Variants in GREB1L observed in about 807,000 individuals in gnomAD.
GREB1L encodes GREB1-like protein.
In GREB1L, 17 loss-of-function variants were observed where a neutral mutation model predicts 200.8. The ratio of observed to expected loss-of-function variants is 0.08; its 90% CI spans 0.06 to 0.13. GREB1L has a LOEUF of 0.13. Among genes scored for constraint, GREB1L ranks in the 10% least tolerant of loss-of-function variants. The pLI, the probability that GREB1L is intolerant of heterozygous loss-of-function variation, is 1.00. For synonymous variants in GREB1L, 789 were observed against 893.0 expected (o/e 0.88, Z 2.08); for missense variants, 1,657 against 2,367.7 (o/e 0.70, Z 6.23).
Position 21,499,910 on chromosome 18 carries a change from C to A in GREB1L, c.3573C>A (p.Pro1191=). ...TLKQECDSLG[P]QMASSTTSKP... ...AGCAGGAATGTGACTCCCTGGGCCC[C>A]CAGATGGCGAGCAGCACCACCTCCA... is the stretch of plus-strand genomic sequence containing the variant. Residue 1191 remains proline (P), a synonymous_variant, in exon 22 of 33, where the codon CCC becomes CCA. Transcript: ENST00000424526. The A allele has an allele frequency of 6.5e-7, 1 of 1,549,866 alleles. No homozygotes were observed. Among genetic ancestry groups the A allele is most frequent in the Non-Finnish European group, 8.7e-7 (1 of 1,146,208 alleles).
intron 1 of GREB1L, among the ~76,000 whole-genome samples, chr18:21,352,162 A>G (rs1217513393): frequency 1.3e-5 from 2 of 152,126 alleles, no homozygotes; most frequent in Non-Finnish European, 2.9e-5. Flanking sequence ...GCTATTTTAA[A>G]TAAATTTATC....
At position 21,403,860 on chromosome 18, in the gene GREB1L, A is replaced by G; in HGVS notation, c.710-12A>G. 1 of 1,549,452 alleles carries G rather than the reference A, an allele frequency of 6.5e-7. No homozygotes were observed. Among genetic ancestry groups the G allele is most frequent in the East Asian group, 2.4e-5 (1 of 40,874 alleles). On this transcript the variant is annotated splice_polypyrimidine_tract_variant and intron_variant, in intron 6 of 32. Coordinates refer to ENST00000424526, the MANE Select transcript of GREB1L (RefSeq NM_001142966.3). ...GGTCACTTCATACAATGTGATTTTT[A>G]CTCTTTTCCAGAATGTAGAAGCCGA...
chr18:21,442,705 A>G (rs1346103947), intron 10 of GREB1L, among the ~76,000 whole-genome samples: 1 of 152,144 alleles, frequency 6.6e-6, no homozygotes, highest in African/African-American at 2.4e-5. Context: ...AATAGCTAAG[A>G]TAACAAAGGA....
intron 1 of GREB1L, among the ~76,000 whole-genome samples, chr18:21,272,459 C>G (rs997754209): frequency 2.0e-5 from 3 of 152,112 alleles, no homozygotes; most frequent in Non-Finnish European, 2.9e-5. Context: ...AGACAGCTGA[C>G]AAAATGGATA....
At chr18:21,287,957 A>G (rs898060859) in intron 1 of GREB1L, among the ~76,000 whole-genome samples, 2 of 151,782 alleles carry the variant, frequency 1.3e-5, no homozygotes, top group African/African-American at 4.8e-5. Flanking sequence ...GTAATCTACC[A>G]CCATGCCCAG....
intron 1 of GREB1L, among the ~76,000 whole-genome samples, chr18:21,261,331 A>G (rs540807304): frequency 7.9e-5 from 12 of 152,030 alleles, no homozygotes; most frequent in Admixed American, 1.3e-4. Flanking sequence ...GCTTACCGCT[A>G]TTCTCTTTAA....
In GREB1L at chr18:21,401,194, T is replaced by C; in HGVS notation, c.577T>C (p.Tyr193His). The change falls in exon 6 of 33, where the codon TAT becomes CAT. Residue 193 changes from tyrosine (Y) to histidine (H), a missense_variant. Tyr to His is a moderately conservative substitution (Grantham distance 83). Around this residue, in one of 9 missense-constraint regions of GREB1L, gnomAD observed 70 missense variants for 151.3 expected, o/e 0.46. Coordinates refer to ENST00000424526, the MANE Select transcript of GREB1L (RefSeq NM_001142966.3). ...CIGCGERGFR[Y>H]FTEFSNHINL... Reference sequence around the variant, plus strand: ...CGGCTGTGGAGAAAGAGGATTTCGATATTTCACGGAATTTTCCAACCACAT... The same window carrying C: ...CGGCTGTGGAGAAAGAGGATTTCGACATTTCACGGAATTTTCCAACCACAT... 6.4e-7 allele frequency: 1 copy of C among 1,551,658 alleles called. No individual in the cohort carries two copies. The highest frequency in any genetic ancestry group is 8.7e-7 in the Non-Finnish European group (1 of 1,146,988).
intron 7 of GREB1L, among the ~76,000 whole-genome samples, chr18:21,416,109 G>A (rs568449891): frequency 2.7e-4 from 41 of 152,138 alleles, no homozygotes; most frequent in Admixed American, 2.7e-3. Flanking sequence ...AAGTTAAGTA[G>A]ACATGACAGA....
chr18:21,405,307 C>G (rs568731576), intron 7 of GREB1L, among the ~76,000 whole-genome samples: 2 of 152,304 alleles, frequency 1.3e-5, no homozygotes, highest in Admixed American at 1.3e-4. Context: ...CTGCATGTCT[C>G]TCTTAGAATA....
At chr18:21,318,996 G>C (rs542249740) in intron 1 of GREB1L, among the ~76,000 whole-genome samples, 17 of 152,332 alleles carry the variant, frequency 1.1e-4, no homozygotes, top group Non-Finnish European at 2.1e-4. Context: ...TAGCCCCCGT[G>C]TAGCTGCCTC....
intron 23 of GREB1L, among the ~76,000 whole-genome samples, chr18:21,502,041 A>T (rs1340179276): frequency 6.6e-6 from 1 of 152,176 alleles, no homozygotes; most frequent in East Asian, 1.9e-4. Flanking sequence ...CGGGCGGATC[A>T]CCTGAGGTCA....
chr18:21,320,722 C>T (rs1228790479), intron 1 of GREB1L, among the ~76,000 whole-genome samples: 5 of 150,864 alleles, frequency 3.3e-5, no homozygotes, highest in African/African-American at 7.3e-5. Context: ...GCTGAGATCG[C>T]GCCACTGCAC....
chr18:21,473,568 C>CAAAAAAAAAA (rs1261372851), intron 16 of GREB1L, among the ~76,000 whole-genome samples: 1 of 46,640 alleles, frequency 2.1e-5, no homozygotes. Context: ...GACTTTGTCT[C>CAAAAAAAAAA]AAAAAAAAAA....
chr18:21,476,127 T>C (rs1476685946), intron 16 of GREB1L, among the ~76,000 whole-genome samples: 1 of 152,044 alleles, frequency 6.6e-6, no homozygotes, highest in African/African-American at 2.4e-5. Flanking sequence ...CATCGTGTAT[T>C]ACATATCATG....
chr18:21,295,465 GA>G (rs2038512461), intron 1 of GREB1L, among the ~76,000 whole-genome samples: 1 of 152,164 alleles, frequency 6.6e-6, no homozygotes, highest in Non-Finnish European at 1.5e-5. Context: ...GTCAAGTCCT[GA>G]AAATGTCCCT....
chr18:21,407,250 T>C (rs1414197854), intron 7 of GREB1L, among the ~76,000 whole-genome samples: 1 of 152,226 alleles, frequency 6.6e-6, no homozygotes, highest in Non-Finnish European at 1.5e-5. Flanking sequence ...TCATTTTTAC[T>C]GAAGGGGGCT....
chr18:21,468,631 A>G, intron 15 of GREB1L: 2 of 444,334 alleles, frequency 4.5e-6, no homozygotes, highest in Non-Finnish European at 9.1e-6. Flanking sequence ...ACCTAACTAT[A>G]ATACAATTAT....
intron 1 of GREB1L, among the ~76,000 whole-genome samples, chr18:21,331,031 C>T (rs1434312192): frequency 6.6e-6 from 1 of 152,132 alleles, no homozygotes; most frequent in Admixed American, 6.6e-5. Context: ...TTTTATAAAT[C>T]AACATCAGGC....
At chr18:21,420,751 A>G (rs1035364017) in intron 7 of GREB1L, among the ~76,000 whole-genome samples, 1 of 152,060 alleles carries the variant, frequency 6.6e-6, no homozygotes, top group African/African-American at 2.4e-5. Flanking sequence ...TTAAATATAT[A>G]CCAGCCATAT....
Sources: allele counts gnomAD v4.1 joint callset (sites outside exome capture counted in the v4.1 genomes callset), GRCh38; gene constraint gnomAD v4.1.1; regional missense constraint gnomAD v4.1.1; transcripts MANE v1.5; gene names NCBI Gene and HGNC (gene_info 2026-07-23, HGNC 2026-07-21).